BORCS5: variants seen among roughly 807,000 people sequenced by gnomAD.
The protein encoded by BORCS5 is BLOC-1 related complex subunit 5.
A neutral mutation model predicts 22.1 loss-of-function variants in BORCS5; 17 were observed. The observed-to-expected ratio is 0.77, with a 90% CI of 0.53 to 1.15. The LOEUF (loss-of-function observed/expected upper bound fraction) is 1.15. Among genes scored for constraint, BORCS5 ranks in the 50% most tolerant of loss-of-function variants. The pLI is 0.00. For missense variants in BORCS5, 247 were observed against 253.2 expected (o/e 0.98, Z 0.17); for synonymous variants, 117 against 99.8 (o/e 1.17, Z -1.03).
intron 2 of BORCS5, among the ~76,000 whole-genome samples, chr12:12,397,201 A>T (rs1391712869): frequency 1.3e-5 from 2 of 152,168 alleles, no homozygotes; most frequent in African/African-American, 4.8e-5. Flanking sequence ...CTAGATGTCC[A>T]CCTAGACTCC....
chr12:12,374,299 T>G (rs1465705809), intron 2 of BORCS5, among the ~76,000 whole-genome samples: 2 of 151,816 alleles, frequency 1.3e-5, no homozygotes, highest in East Asian at 3.9e-4. Context: ...CCAAGGGTAT[T>G]CTTAGTTTAA....
At chr12:12,433,891 C>T (rs191085684) in intron 2 of BORCS5, among the ~76,000 whole-genome samples, 114 of 152,288 alleles carry the variant, frequency 7.5e-4, no homozygotes, top group African/African-American at 2.7e-3. Flanking sequence ...GCCCTTCATA[C>T]AGCCTGTCTG....
chr12:12,462,915 C>G (rs987826689), intron 3 of BORCS5, among the ~76,000 whole-genome samples: 44 of 84,980 alleles, frequency 5.2e-4, no homozygotes, highest in African/African-American at 2.9e-3. Context: ...CCTCAGCCTC[C>G]CAAAGTTCTG....
At chr12:12,370,145 TTAA>T (rs1032000195) in intron 2 of BORCS5, among the ~76,000 whole-genome samples, 161 of 149,618 alleles carry the variant, frequency 1.1e-3, no homozygotes, top group African/African-American at 4.0e-3. Context: ...CGTTTTTGTT[TTAA>T]TAATATATTT....
rs969448713 is a variant in BORCS5, at chr12:12,465,689, C to T, written c.504C>T (p.Pro168=). The T allele has an allele frequency of 1.2e-6, 2 of 1,614,132 alleles. No homozygotes were observed. The highest frequency in any genetic ancestry group is 2.7e-5 in the African/African-American group (2 of 74,940). ...AGATGGGCATCGACCAGACTGTGCC[C>T]CTGCTGGACAGGCTCAACAGCATGC... ...RIQMGIDQTV[P]LLDRLNSMLP... The change falls in exon 4 of 4, where the codon CCC becomes CCT. Residue 168 remains proline (P), a synonymous_variant. Transcript: ENST00000314565.
intron 3 of BORCS5, among the ~76,000 whole-genome samples, chr12:12,449,167 A>C (rs558024006): frequency 6.6e-6 from 1 of 152,242 alleles, no homozygotes; most frequent in Non-Finnish European, 1.5e-5. Context: ...TAGGAGCTTC[A>C]TCCTTCCCCA....
At chr12:12,377,892 A>G (rs534451781) in intron 2 of BORCS5, among the ~76,000 whole-genome samples, 13 of 152,324 alleles carry the variant, frequency 8.5e-5, no homozygotes, top group African/African-American at 3.1e-4. Context: ...TAAAAACTCA[A>G]GGGCCCTGAA....
chr12:12,412,774 T>C (rs1941769350), intron 2 of BORCS5, among the ~76,000 whole-genome samples: 1 of 152,162 alleles, frequency 6.6e-6, no homozygotes, highest in Admixed American at 6.5e-5. Flanking sequence ...TGGCTTTTAT[T>C]ATGTTGAGGT....
intron 2 of BORCS5, among the ~76,000 whole-genome samples, chr12:12,428,348 G>A (rs1010309034): frequency 9.2e-5 from 14 of 152,200 alleles, no homozygotes; most frequent in African/African-American, 3.1e-4. Flanking sequence ...AAAGAGGTAG[G>A]TACAGATGGT....
chr12:12,417,990 T>G (rs1942012812), intron 2 of BORCS5, among the ~76,000 whole-genome samples: 1 of 302 alleles, frequency 3.3e-3, no homozygotes, highest in South Asian at 0.028. Context: ...ATCAAACCAT[T>G]TATTTATTTA....
At position 12,440,076 on chromosome 12, in the gene BORCS5, C is replaced by T. The variant is rs568926605; in HGVS notation, c.360+4291C>T. 3.1e-4 allele frequency among the ~76,000 whole-genome samples: 47 copies of T among 152,264 alleles called. 1 individual carries two copies. In the South Asian group the frequency reaches 4.3e-3, roughly 14 times the overall value. On this transcript the variant is annotated intron_variant, in intron 3 of 3. Coordinates refer to ENST00000314565, the MANE Select transcript of BORCS5 (RefSeq NM_058169.6). ...ATATGTGTTAGTGGAAGTATATAACCGGGATCAACTAGAGGTCCCTAAGAT... is the reference window on the plus strand; with the variant it reads ...ATATGTGTTAGTGGAAGTATATAACTGGGATCAACTAGAGGTCCCTAAGAT...
chr12:12,392,810 T>C (rs1422152704), intron 2 of BORCS5, among the ~76,000 whole-genome samples: 1 of 152,164 alleles, frequency 6.6e-6, no homozygotes, highest in East Asian at 1.9e-4. Flanking sequence ...TTCTGATCAC[T>C]GGGACTTTAT....
intron 3 of BORCS5, among the ~76,000 whole-genome samples, chr12:12,464,164 C>T (rs1430053580): frequency 6.6e-6 from 1 of 151,664 alleles, no homozygotes; most frequent in African/African-American, 2.4e-5. Context: ...GGAAAGTGTG[C>T]ATTGTTTCCA....
Position 12,400,697 on chromosome 12 carries a change from C to T in BORCS5, c.203-34931C>T, listed in dbSNP as rs369802660. ...CTTTCCCTGCAGGAAGAAAAATACA[C>T]GTTTCAAATAAACAACGCCCCCTCC... On this transcript the variant is annotated intron_variant, in intron 2 of 3. Coordinates refer to ENST00000314565, the MANE Select transcript of BORCS5 (RefSeq NM_058169.6). 3.7e-4 allele frequency among the ~76,000 whole-genome samples: 56 copies of T among 152,180 alleles called. 1 individual carries two copies. In the South Asian group the frequency reaches 7.7e-3, roughly 21 times the overall value.
In BORCS5 at chr12:12,368,787, TG is replaced by T. The variant is rs150411523; in HGVS notation, c.202+7439del. Among the ~76,000 whole-genome samples the T allele has an allele frequency of 3.9e-3, 598 of 152,236 alleles. 7 individuals carry two copies. The highest frequency in any genetic ancestry group is 0.014 in the African/African-American group (573 of 41,546). On this transcript the variant is annotated intron_variant, in intron 2 of 3. Coordinates refer to ENST00000314565, the MANE Select transcript of BORCS5 (RefSeq NM_058169.6). The stretch of plus-strand genomic sequence containing the variant: ...TGTTTGTCCATCATCTTGCTCTGTT[TG>T]TCTATACAGTCGCTTTAAATTCAGC...
intron 2 of BORCS5, among the ~76,000 whole-genome samples, chr12:12,433,667 AC>A (rs770047940): frequency 3.3e-5 from 5 of 152,210 alleles, no homozygotes; most frequent in Non-Finnish European, 5.9e-5. Flanking sequence ...TTCTGCTAAT[AC>A]TGGATTCACC....
At chr12:12,365,760 A>G (rs1429212675) in intron 2 of BORCS5, among the ~76,000 whole-genome samples, 1 of 152,186 alleles carries the variant, frequency 6.6e-6, no homozygotes, top group African/African-American at 2.4e-5. Context: ...CATAATAGCT[A>G]TTGTTCTTTC....
chr12:12,470,839 T>G lies in BORCS5; in HGVS notation c.*5063T>G, dbSNP rs1261042191. Among the ~76,000 whole-genome samples, 2 of 152,134 alleles carry G rather than the reference T, an allele frequency of 1.3e-5. No homozygotes were observed. The highest frequency in any genetic ancestry group is 2.9e-5 in the Non-Finnish European group (2 of 68,014). ...CAGGATGACCAGCGTTATGCTGGTG[T>G]GTGCGTGTCCATGCCTCCGGGATTT... On this transcript the variant is annotated 3_prime_UTR_variant, in exon 4 of 4. Transcript: ENST00000314565.
intron 2 of BORCS5, among the ~76,000 whole-genome samples, chr12:12,391,868 A>T (rs1446256003): frequency 6.7e-5 from 3 of 44,658 alleles, no homozygotes; most frequent in Non-Finnish European, 1.6e-4. Context: ...CCCGTCACTA[A>T]AAAAAAAAAA....
Sources: allele counts gnomAD v4.1 joint callset (sites outside exome capture counted in the v4.1 genomes callset), GRCh38; gene constraint gnomAD v4.1.1; transcripts MANE v1.5; gene names NCBI Gene and HGNC (gene_info 2026-07-23, HGNC 2026-07-21).